Variants in BBS9 observed in about 807,000 individuals in gnomAD.
BBS9 encodes protein PTHB1.
In BBS9, 89 loss-of-function variants were observed where a neutral mutation model predicts 117.7. The observed-to-expected ratio is 0.76, with a 90% CI of 0.64 to 0.90. The LOEUF (loss-of-function observed/expected upper bound fraction) is 0.90, where lower values mean the gene tolerates loss of function less well. Among genes scored for constraint, BBS9 ranks in the 40% least tolerant of loss-of-function variants. The probability of loss-of-function intolerance (pLI) is 0.00; values close to 1 mark genes in which losing one functional copy is unlikely to be tolerated. For missense variants in BBS9, 982 were observed against 1,042.2 expected (o/e 0.94, Z 0.80); for synonymous variants, 379 against 370.9 (o/e 1.02, Z -0.25).
intron 4 of BBS9, among the ~76,000 whole-genome samples, chr7:33,174,455 G>T (rs1266057739): frequency 6.6e-6 from 1 of 152,200 alleles, no homozygotes; most frequent in Admixed American, 6.5e-5. Flanking sequence ...AGAGACTCCA[G>T]TGCAGCCACA....
intron 5 of BBS9, among the ~76,000 whole-genome samples, chr7:33,232,305 AG>A (rs1792615205): frequency 2.0e-5 from 3 of 152,158 alleles, no homozygotes; most frequent in African/African-American, 7.2e-5. Flanking sequence ...AATAATTTTA[AG>A]AAAATTTGGA....
At chr7:33,185,901 C>A (rs1222166637) in intron 5 of BBS9, among the ~76,000 whole-genome samples, 1 of 152,130 alleles carries the variant, frequency 6.6e-6, no homozygotes, top group Non-Finnish European at 1.5e-5. Context: ...CACTAGATGG[C>A]AGTCCTCTAT....
rs554057881 is a variant in BBS9 at position 33,635,292 on chromosome 7, T to A, written c.*21T>A. Among the ~76,000 whole-genome samples the A allele has an allele frequency of 2.1e-3, 316 of 152,290 alleles. 1 individual carries two copies. Among genetic ancestry groups the A allele is most frequent in the Non-Finnish European group, 3.5e-3 (235 of 68,018 alleles). ...GCTAAGCGGGGTCAATCAGACACCT[T>A]CCCTGGGATGGTTAAAACTGGGACA... is the stretch of plus-strand genomic sequence containing the variant. On this transcript the variant is annotated 3_prime_UTR_variant, in exon 22 of 22. Coordinates refer to the BBS9 transcript ENST00000671952.
At chr7:33,178,893 C>G (rs1211457927) in intron 5 of BBS9, among the ~76,000 whole-genome samples, 1 of 151,880 alleles carries the variant, frequency 6.6e-6, no homozygotes. Context: ...TTTTGCATAA[C>G]TGAAGTGATG....
intron 18 of BBS9, among the ~76,000 whole-genome samples, chr7:33,387,001 A>G (rs1246597343): frequency 6.6e-6 from 1 of 152,142 alleles, no homozygotes; most frequent in Non-Finnish European, 1.5e-5. Flanking sequence ...ATGGTAGCAC[A>G]TTATACATAC....
chr7:33,410,754 T>C (rs1830972650), intron 19 of BBS9, among the ~76,000 whole-genome samples: 1 of 152,174 alleles, frequency 6.6e-6, no homozygotes, highest in Non-Finnish European at 1.5e-5. Context: ...CTGTTATATT[T>C]TTGATCTGTC....
At chr7:33,613,597 C>G (rs7787381) in intron 21 of BBS9, among the ~76,000 whole-genome samples, 62,113 of 151,778 alleles carry the variant, frequency 0.41, 17,969 homozygotes, top group African/African-American at 0.82. Context: ...ATAATACCTT[C>G]TATAAAGTGA....
intron 1 of BBS9, among the ~76,000 whole-genome samples, chr7:33,142,460 G>A (rs1484203138): frequency 6.6e-6 from 1 of 152,148 alleles, no homozygotes; most frequent in Non-Finnish European, 1.5e-5. Context: ...GTAAAATAAT[G>A]TGACATAAAA....
chr7:33,199,107 A>G (rs1456625414), intron 5 of BBS9, among the ~76,000 whole-genome samples: 1 of 151,978 alleles, frequency 6.6e-6, no homozygotes, highest in Non-Finnish European at 1.5e-5. Context: ...TTTCTTTTTG[A>G]AAGATGGCGA....
At chr7:33,481,435 G>T (rs1291194919) in intron 19 of BBS9, among the ~76,000 whole-genome samples, 1 of 152,180 alleles carries the variant, frequency 6.6e-6, no homozygotes, top group Non-Finnish European at 1.5e-5. Flanking sequence ...GAAAAGGTCA[G>T]TGAAGAAATA....
chr7:33,243,019 C>T (rs1334500616), intron 5 of BBS9: 10 of 517,054 alleles, frequency 1.9e-5, no homozygotes, highest in Non-Finnish European at 2.3e-5. Context: ...TAATTCTTGA[C>T]GTTCCCAAGT....
At chr7:33,154,339 G>A (rs1314582805) in intron 3 of BBS9, among the ~76,000 whole-genome samples, 1 of 152,112 alleles carries the variant, frequency 6.6e-6, no homozygotes, top group Non-Finnish European at 1.5e-5. Context: ...ATATAGTAAG[G>A]TGCAGAGTCA....
At chr7:33,348,915 A>G (rs1345700604) in intron 12 of BBS9, among the ~76,000 whole-genome samples, 153 bp from the exon 13 acceptor site, 2 of 152,096 alleles carry the variant, frequency 1.3e-5, no homozygotes, top group African/African-American at 4.8e-5. Flanking sequence ...GAATATTTTA[A>G]TCTATTACTT....
intron 5 of BBS9, among the ~76,000 whole-genome samples, chr7:33,223,640 C>T (rs1715168339): frequency 6.6e-6 from 1 of 151,972 alleles, no homozygotes; most frequent in Non-Finnish European, 1.5e-5. Flanking sequence ...TCTGTATGTT[C>T]TTCTAAGCAC....
At chr7:33,519,032 A>T (rs1279996328) in intron 20 of BBS9, among the ~76,000 whole-genome samples, 2 of 152,190 alleles carry the variant, frequency 1.3e-5, no homozygotes, top group East Asian at 1.9e-4. Context: ...GCCATGTCTT[A>T]AAATAGTGAA....
Position 33,434,096 on chromosome 7 carries a change from G to GT in BBS9, c.2115+45959dup, listed in dbSNP as rs141047982. 4.1e-3 allele frequency among the ~76,000 whole-genome samples: 615 copies of GT among 151,154 alleles called. 12 individuals are homozygous for GT. Among genetic ancestry groups the GT allele is most frequent in the East Asian group, 0.039 (201 of 5,148 alleles). ...CTTAATTTTCAAATATTTTTTCATA[G>GT]TTTTTTTATCAATAATGATGGATAT... On this transcript the variant is annotated intron_variant, in intron 19 of 22. Coordinates refer to ENST00000242067, the MANE Select transcript of BBS9 (RefSeq NM_198428.3).
At chr7:33,432,801 G>A (rs1289556085) in intron 19 of BBS9, among the ~76,000 whole-genome samples, 1 of 150,786 alleles carries the variant, frequency 6.6e-6, no homozygotes, top group African/African-American at 2.4e-5. Flanking sequence ...TTTTTTCAAG[G>A]TATTTTCCCT....
chr7:33,477,291 T>C (rs1244920640), intron 19 of BBS9, among the ~76,000 whole-genome samples: 1 of 152,200 alleles, frequency 6.6e-6, no homozygotes. Flanking sequence ...CATAACTGAT[T>C]GAGCCAGGCA....
At chr7:33,293,156 C>A (rs1270492676) in intron 9 of BBS9, among the ~76,000 whole-genome samples, 1 of 151,772 alleles carries the variant, frequency 6.6e-6, no homozygotes, top group Non-Finnish European at 1.5e-5. Flanking sequence ...TTCTAATGGA[C>A]CATGTCAACA....
Sources: allele counts gnomAD v4.1 joint callset (sites outside exome capture counted in the v4.1 genomes callset), GRCh38; gene constraint gnomAD v4.1.1; transcripts MANE v1.5; gene names NCBI Gene and HGNC (gene_info 2026-07-23, HGNC 2026-07-21).